The following TRMT11 variants were observed in gnomAD, a reference collection of about 807,000 sequenced individuals.
TRMT11 encodes tRNA (guanine(10)-N(2))-methyltransferase TRMT11.
A neutral mutation model predicts 62.8 loss-of-function variants in TRMT11; 53 were observed. The ratio of observed to expected loss-of-function variants is 0.84; its 90% CI spans 0.68 to 1.06. TRMT11 has a LOEUF of 1.06. Ranked by LOEUF, TRMT11 falls within the 50% of genes least tolerant of loss-of-function variation. The pLI is 0.00. For missense variants in TRMT11, 556 were observed against 553.4 expected, an observed-to-expected ratio of 1.00 and a Z score of -0.05; for synonymous variants, 188 against 190.3, an observed-to-expected ratio of 0.99 and a Z score of 0.10.
In TRMT11 at chr6:126,163,525, G is replaced by A. The variant is rs192541775; in HGVS notation, c.*1824-11300G>A. On this transcript the variant is annotated intron_variant and NMD_transcript_variant, in intron 21 of 22. Coordinates refer to the TRMT11 transcript ENST00000648977. ...CGGCCTGAAATTTTCTCTTTTTGTT[G>A]TGTCTCTGCCAGGTTTTGGTATCAG... Among the ~76,000 whole-genome samples the A allele has an allele frequency of 3.7e-4, 56 of 152,224 alleles. 1 individual carries two copies. Among genetic ancestry groups the A allele is most frequent in the South Asian group, 1.2e-3 (6 of 4,814 alleles).
chr6:125,993,574 G>A (rs538144449), intron 1 of TRMT11, among the ~76,000 whole-genome samples, 183 bp from the exon 2 acceptor site: 49 of 152,182 alleles, frequency 3.2e-4, no homozygotes, highest in Admixed American at 3.0e-3. Context: ...TTACTTACCT[G>A]TGGTTTTTAT....
At chr6:126,267,771 C>T in the TRMT11 span, among the ~76,000 whole-genome samples, 1 of 152,152 alleles carries the variant, frequency 6.6e-6, no homozygotes, top group Non-Finnish European at 1.5e-5. Context: ...TGCTATAAAT[C>T]TGAAGACTTA....
At chr6:126,220,613 A>G in the TRMT11 span, among the ~76,000 whole-genome samples, 2 of 152,214 alleles carry the variant, frequency 1.3e-5, no homozygotes, top group Non-Finnish European at 2.9e-5. Context: ...ATATGCCAGC[A>G]GTCTCTATTG....
intron 17 of TRMT11, among the ~76,000 whole-genome samples, chr6:126,054,852 G>C (rs1459947838): frequency 6.6e-6 from 1 of 152,200 alleles, no homozygotes; most frequent in African/African-American, 2.4e-5. Context: ...CTGAGACACA[G>C]GGTGCTCCCT....
At chr6:126,081,211 A>G (rs747161862) in intron 17 of TRMT11, among the ~76,000 whole-genome samples, 5 of 152,336 alleles carry the variant, frequency 3.3e-5, no homozygotes, top group South Asian at 2.1e-4. Context: ...AAATAAACAC[A>G]GCCCTTGGCA....
At chr6:126,064,712 T>C (rs1776637353) in intron 17 of TRMT11, among the ~76,000 whole-genome samples, 1 of 152,060 alleles carries the variant, frequency 6.6e-6, no homozygotes, top group Non-Finnish European at 1.5e-5. Flanking sequence ...AAAAAAATCA[T>C]GTAAGTTAGG....
chr6:126,089,381 G>A (rs962349042), intron 17 of TRMT11, among the ~76,000 whole-genome samples: 1 of 152,026 alleles, frequency 6.6e-6, no homozygotes, highest in Non-Finnish European at 1.5e-5. Flanking sequence ...CAAAGTGCTG[G>A]GATTACAGGA....
chr6:126,257,886 T>C, the TRMT11 span: 1 of 1,405,926 alleles, frequency 7.1e-7, no homozygotes, highest in Non-Finnish European at 1.0e-6. Context: ...GGACAGTGAT[T>C]GTCCTGAGCC....
chr6:126,057,035 T>G (rs1435412468), intron 17 of TRMT11, among the ~76,000 whole-genome samples: 1 of 152,214 alleles, frequency 6.6e-6, no homozygotes, highest in Non-Finnish European at 1.5e-5. Flanking sequence ...AAAGGAACCC[T>G]AAGCCTATGC....
chr6:126,161,632 T>C (rs1778191839), intron 21 of TRMT11, among the ~76,000 whole-genome samples: 1 of 152,200 alleles, frequency 6.6e-6, no homozygotes, highest in African/African-American at 2.4e-5. Flanking sequence ...GTATTTCTAG[T>C]TCTAGATCCT....
At position 126,023,293 on chromosome 6, in the gene TRMT11, C is replaced by G. The variant is rs1417730990; in HGVS notation, c.1260+2013C>G. 2.6e-5 allele frequency among the ~76,000 whole-genome samples: 4 copies of G among 152,128 alleles called. No individual in the cohort carries two copies. The East Asian group carries it at 7.7e-4, about 29-fold the overall frequency. On this transcript the variant is annotated intron_variant, in intron 12 of 12. Transcript: ENST00000334379. ...TTTATTTGGGTGTACAGTAGAAGCC[C>G]TCTTATTTAACGTCCATTTCAAACC...
At chr6:126,129,698 T>TG (rs1458136579) in intron 21 of TRMT11, among the ~76,000 whole-genome samples, 1 of 151,816 alleles carries the variant, frequency 6.6e-6, no homozygotes, top group South Asian at 2.1e-4. Context: ...TTAAAAAAAA[T>TG]TTTTTTTATG....
At chr6:126,099,228 A>C in intron 17 of TRMT11, among the ~76,000 whole-genome samples, 1 of 152,206 alleles carries the variant, frequency 6.6e-6, no homozygotes, top group Non-Finnish European at 1.5e-5. Flanking sequence ...TTTTCCCCAG[A>C]TTTCAGTAAA....
At chr6:126,038,606 G>A (rs1288560029) in intron 12 of TRMT11, 99 bp from the exon 13 acceptor site, 1 of 999,378 alleles carries the variant, frequency 1.0e-6, no homozygotes, top group African/African-American at 1.7e-5. Flanking sequence ...GCACTAGAGA[G>A]TGAGATTTTG....
At chr6:126,054,425 A>G (rs1776310291) in intron 17 of TRMT11, among the ~76,000 whole-genome samples, 2 of 152,238 alleles carry the variant, frequency 1.3e-5, no homozygotes, top group South Asian at 2.1e-4. Flanking sequence ...GATTGCCCAG[A>G]TAAGTACAGT....
chr6:126,035,878 T>A (rs1250958977), intron 12 of TRMT11, among the ~76,000 whole-genome samples: 3 of 152,104 alleles, frequency 2.0e-5, no homozygotes, highest in African/African-American at 7.2e-5. Flanking sequence ...AGATAAACTA[T>A]TTTATTAATC....
chr6:126,009,590 C>G (rs1278007255), intron 8 of TRMT11, among the ~76,000 whole-genome samples: 3 of 151,766 alleles, frequency 2.0e-5, no homozygotes, highest in Non-Finnish European at 2.9e-5. Context: ...ACTTTATTTT[C>G]TTTTGTGGAA....
chr6:126,094,838 A>G (rs1001896287), intron 17 of TRMT11, among the ~76,000 whole-genome samples: 1 of 152,218 alleles, frequency 6.6e-6, no homozygotes, highest in Non-Finnish European at 1.5e-5. Flanking sequence ...AAGAACTCTC[A>G]TATGTGTTAA....
intron 21 of TRMT11, among the ~76,000 whole-genome samples, chr6:126,154,310 A>G (rs1778091906): frequency 1.3e-5 from 2 of 150,648 alleles, no homozygotes; most frequent in Non-Finnish European, 2.9e-5. Flanking sequence ...AGTGTTAGGT[A>G]TCAGTAATAA....
Sources: allele counts gnomAD v4.1 joint callset (sites outside exome capture counted in the v4.1 genomes callset), GRCh38; gene constraint gnomAD v4.1.1; transcripts MANE v1.5; gene names NCBI Gene and HGNC (gene_info 2026-07-23, HGNC 2026-07-21).